The following CDH13 variants were observed in gnomAD, a reference collection of about 807,000 sequenced individuals.
CDH13 encodes cadherin 13, also known as cadherin-13.
Under a neutral mutation model 63.8 loss-of-function variants are expected in CDH13, and 24 were observed. The observed-to-expected ratio is 0.38, with a 90% confidence interval of 0.27 to 0.53. CDH13 has a LOEUF of 0.53. CDH13 is among the 20% of genes least tolerant of loss of function. The probability of loss-of-function intolerance (pLI) is 0.85; values close to 1 mark genes in which losing one functional copy is unlikely to be tolerated. For missense variants in CDH13, 1,049 were observed against 903.1 expected, an observed-to-expected ratio of 1.16 and a Z score of -2.07; for synonymous variants, 503 against 355.3, an observed-to-expected ratio of 1.42 and a Z score of -4.67.
chr16:83,486,493 G>A lies in CDH13; in HGVS notation c.798G>A (p.Arg266=), dbSNP rs753748151. The A allele has an allele frequency of 2.1e-5, 34 of 1,613,288 alleles. No individual in the cohort carries two copies. The highest frequency in any genetic ancestry group is 2.8e-5 in the Non-Finnish European group (33 of 1,179,596). ...CCCCGGTAGGCACCACAGTGATGCG[G>A]ATGACAGCCTTTGATGCAGATGACC... ...EGSPTGTTVM[R]MTAFDADDPA... Residue 266 remains arginine (R), a synonymous_variant, in exon 7 of 14, where the codon CGG becomes CGA. Transcript: ENST00000567109.
In CDH13 at chr16:83,294,446, T is replaced by G. The variant is rs887511188; in HGVS notation, c.637-50416T>G. 3.9e-5 allele frequency among the ~76,000 whole-genome samples: 6 copies of G among 152,290 alleles called. No individual in the cohort carries two copies. In the South Asian group the frequency reaches 1.2e-3, roughly 32 times the overall value. ...CAACCACCATTCTACTCACTACTTC[T>G]GTGAGCTCAACATTTTAGCATTCAC... is the stretch of plus-strand genomic sequence containing the variant. On this transcript the variant is annotated intron_variant, in intron 5 of 13. Coordinates refer to ENST00000567109, the MANE Select transcript of CDH13 (RefSeq NM_001257.5).
At chr16:82,676,451 C>T (rs1006358120) in intron 1 of CDH13, among the ~76,000 whole-genome samples, 1 of 151,476 alleles carries the variant, frequency 6.6e-6, no homozygotes, top group Admixed American at 6.6e-5. Flanking sequence ...TCTCCCTCTC[C>T]ATTGCCAGTA....
chr16:83,703,033 A>T (rs1000647711), intron 10 of CDH13, among the ~76,000 whole-genome samples: 2 of 152,192 alleles, frequency 1.3e-5, no homozygotes, highest in Non-Finnish European at 2.9e-5. Context: ...TATGGAGCCT[A>T]TGTTTCCTTG....
intron 7 of CDH13, among the ~76,000 whole-genome samples, chr16:83,592,174 G>A (rs749663151): frequency 2.0e-5 from 3 of 152,118 alleles, no homozygotes; most frequent in Admixed American, 6.5e-5. Flanking sequence ...GCACCATCCC[G>A]CACAATGCCT....
chr16:83,225,289 T>A (rs1309555464), intron 5 of CDH13, among the ~76,000 whole-genome samples: 5 of 152,174 alleles, frequency 3.3e-5, no homozygotes, highest in Non-Finnish European at 5.9e-5. Context: ...TCTGGTGGGG[T>A]AACATGTGCC....
chr16:83,180,546 C>G (rs1322136209), intron 4 of CDH13, among the ~76,000 whole-genome samples: 2 of 152,144 alleles, frequency 1.3e-5, no homozygotes, highest in African/African-American at 4.8e-5. Flanking sequence ...AAAGAAGTGT[C>G]CCATCATTTA....
chr16:82,929,835 G>A (rs191578695), intron 2 of CDH13, among the ~76,000 whole-genome samples: 72 of 151,632 alleles, frequency 4.7e-4, no homozygotes, highest in Middle Eastern at 3.4e-3. Context: ...ACAGCATCCC[G>A]AAGAGACCAA....
chr16:83,781,635 A>C (rs1915530888), intron 12 of CDH13, among the ~76,000 whole-genome samples: 2 of 152,014 alleles, frequency 1.3e-5, no homozygotes, highest in Admixed American at 1.3e-4. Flanking sequence ...TATACTGATT[A>C]TTTTTAATTA....
chr16:83,167,480 A>T (rs1423178882), intron 4 of CDH13, among the ~76,000 whole-genome samples: 4 of 142,154 alleles, frequency 2.8e-5, no homozygotes, highest in African/African-American at 1.1e-4. Context: ...AGCCTGAGGG[A>T]CAGAGTGAGA....
At chr16:83,672,824 A>C (rs1394073992) in intron 9 of CDH13, among the ~76,000 whole-genome samples, 1 of 152,160 alleles carries the variant, frequency 6.6e-6, no homozygotes, top group Non-Finnish European at 1.5e-5. Context: ...CTATTTACCC[A>C]AGTTTTATCT....
chr16:83,628,079 G>A (rs560404818), intron 8 of CDH13, among the ~76,000 whole-genome samples: 139 of 152,190 alleles, frequency 9.1e-4, no homozygotes, highest in Non-Finnish European at 1.6e-3. Context: ...GTGTTTTTCC[G>A]GCTTCTTTAC....
At chr16:83,240,911 T>C (rs185085389) in intron 5 of CDH13, among the ~76,000 whole-genome samples, 5 of 152,146 alleles carry the variant, frequency 3.3e-5, no homozygotes, top group African/African-American at 9.6e-5. Context: ...TCCACTCACA[T>C]TGTTGTGTGA....
Position 83,692,211 on chromosome 16 carries a change from G to A in CDH13, c.1538+13750G>A, listed in dbSNP as rs539591394. On this transcript the variant is annotated intron_variant, in intron 10 of 13. Coordinates refer to ENST00000567109, the MANE Select transcript of CDH13 (RefSeq NM_001257.5). ...ATTGTTTGTTCCATTTCTGATTTTA[G>A]TTGATGGATTTATGACAGCTTTCAT... Among the ~76,000 whole-genome samples, 5 of 152,210 alleles carry A rather than the reference G, an allele frequency of 3.3e-5. No homozygotes were observed. In the South Asian group the frequency reaches 1.0e-3, roughly 31 times the overall value.
At chr16:83,225,750 C>G (rs1466598305) in intron 5 of CDH13, among the ~76,000 whole-genome samples, 2 of 152,170 alleles carry the variant, frequency 1.3e-5, no homozygotes, top group Non-Finnish European at 2.9e-5. Context: ...AGAGTGTGAC[C>G]AGGTGTCAGT....
chr16:83,063,919 T>C (rs1273825196), intron 3 of CDH13, among the ~76,000 whole-genome samples: 2 of 151,904 alleles, frequency 1.3e-5, no homozygotes, highest in Non-Finnish European at 2.9e-5. Flanking sequence ...GTGAGACAAG[T>C]TGGGGAGAGG....
intron 7 of CDH13, among the ~76,000 whole-genome samples, chr16:83,549,369 G>C (rs987915383): frequency 6.6e-6 from 1 of 152,208 alleles, no homozygotes; most frequent in East Asian, 1.9e-4. Flanking sequence ...AGGAGTTTCA[G>C]AAGAAAGTAC....
In CDH13 at chr16:83,596,638, G is replaced by C. The variant is rs183558071; in HGVS notation, c.961-5816G>C. On this transcript the variant is annotated intron_variant, in intron 7 of 13. Coordinates refer to ENST00000567109, the MANE Select transcript of CDH13 (RefSeq NM_001257.5). ...GTATATTTCAAGTAAGAGTGACTCC[G>C]AGAGCTAGGAAATTAGGGGGTGACT... 2.9e-3 allele frequency among the ~76,000 whole-genome samples: 438 copies of C among 152,248 alleles called. 4 individuals carry two copies. Among genetic ancestry groups the C allele is most frequent in the African/African-American group, 8.2e-3 (341 of 41,542 alleles).
At chr16:82,787,198 T>A (rs2036058344) in intron 1 of CDH13, among the ~76,000 whole-genome samples, 1 of 152,206 alleles carries the variant, frequency 6.6e-6, no homozygotes, top group African/African-American at 2.4e-5. Context: ...GGAATTCTCC[T>A]GAGAACAGAT....
At chr16:82,928,315 C>G (rs556131114) in intron 2 of CDH13, among the ~76,000 whole-genome samples, 43 of 152,276 alleles carry the variant, frequency 2.8e-4, no homozygotes, top group Non-Finnish European at 5.1e-4. Flanking sequence ...GTTTTCACTT[C>G]TTATAAGCAT....
Sources: allele counts gnomAD v4.1 joint callset (sites outside exome capture counted in the v4.1 genomes callset), GRCh38; gene constraint gnomAD v4.1.1; transcripts MANE v1.5; gene names NCBI Gene and HGNC (gene_info 2026-07-23, HGNC 2026-07-21).